The following SPAG16 variants were observed in gnomAD, a reference collection of about 807,000 sequenced individuals.
The protein encoded by SPAG16 is sperm-associated antigen 16 protein.
In SPAG16, 86 loss-of-function variants were observed where a neutral mutation model predicts 80.4. That is an observed-to-expected ratio of 1.07 (90% CI 0.90 to 1.28). SPAG16 has a LOEUF of 1.28. Ranked by LOEUF, SPAG16 falls within the 50% of genes most tolerant of loss-of-function variation. The pLI, the probability that SPAG16 is intolerant of heterozygous loss-of-function variation, is 0.00. For synonymous variants in SPAG16, 294 were observed against 265.9 expected, an observed-to-expected ratio of 1.11 and a Z score of -1.03; for missense variants, 870 against 765.3, an observed-to-expected ratio of 1.14 and a Z score of -1.61.
At chr2:213,626,467 A>G (rs554567934) in intron 10 of SPAG16, among the ~76,000 whole-genome samples, 14 of 152,252 alleles carry the variant, frequency 9.2e-5, no homozygotes, top group African/African-American at 3.4e-4. Context: ...AGATTCAGCA[A>G]TGAAAGTATA....
intron 1 of SPAG16, among the ~76,000 whole-genome samples, chr2:213,292,608 G>A (rs1271284000): frequency 6.9e-6 from 1 of 144,582 alleles, no homozygotes; most frequent in African/African-American, 2.6e-5. Context: ...AGCTTGCAGT[G>A]AGCCGAGATC....
intron 10 of SPAG16, among the ~76,000 whole-genome samples, chr2:213,575,987 A>G (rs187504370): frequency 9.0e-4 from 137 of 152,262 alleles, no homozygotes; most frequent in Non-Finnish European, 1.6e-3. Flanking sequence ...GCTCAAAGTT[A>G]AAAAAAGCAA....
intron 10 of SPAG16, among the ~76,000 whole-genome samples, chr2:213,584,816 ATAG>A (rs1191973012): frequency 1.3e-5 from 2 of 151,952 alleles, no homozygotes; most frequent in East Asian, 3.9e-4. Flanking sequence ...ATATATTGTA[ATAG>A]TAGTGAGTCC....
intron 10 of SPAG16, among the ~76,000 whole-genome samples, chr2:213,759,222 A>C (rs1432834608): frequency 6.6e-6 from 1 of 152,188 alleles, no homozygotes; most frequent in Non-Finnish European, 1.5e-5. Flanking sequence ...TTGTGTAAAG[A>C]AATAAAGATC....
chr2:214,326,761 C>T (rs62196834), intron 15 of SPAG16, among the ~76,000 whole-genome samples: 9 of 151,876 alleles, frequency 5.9e-5, no homozygotes, highest in South Asian at 2.1e-4. Context: ...CTGGCTAACA[C>T]GGTGAAACCC....
At chr2:213,707,212 T>C (rs2065794859) in intron 10 of SPAG16, among the ~76,000 whole-genome samples, 2 of 152,214 alleles carry the variant, frequency 1.3e-5, no homozygotes, top group South Asian at 4.1e-4. Context: ...TTCAAATTTT[T>C]AGACACTGCT....
At chr2:213,366,667 G>A (rs2066308284) in intron 8 of SPAG16, among the ~76,000 whole-genome samples, 1 of 152,022 alleles carries the variant, frequency 6.6e-6, no homozygotes, top group Non-Finnish European at 1.5e-5. Flanking sequence ...TTGACACATG[G>A]GGATTATGGG....
chr2:214,265,680 A>G (rs535691129), intron 15 of SPAG16, among the ~76,000 whole-genome samples: 1 of 152,068 alleles, frequency 6.6e-6, no homozygotes, highest in East Asian at 1.9e-4. Context: ...CACCAAACCA[A>G]TGGTCATGTA....
chr2:214,376,623 GCTT>G (rs1289343274), intron 15 of SPAG16, among the ~76,000 whole-genome samples: 1 of 152,102 alleles, frequency 6.6e-6, no homozygotes, highest in African/African-American at 2.4e-5. Flanking sequence ...ATTAAAAAGA[GCTT>G]ATTACAGTCA....
At chr2:214,318,903 A>G (rs556635391) in intron 15 of SPAG16, among the ~76,000 whole-genome samples, 1 of 152,282 alleles carries the variant, frequency 6.6e-6, no homozygotes, top group African/African-American at 2.4e-5. Flanking sequence ...GTGAGGATCT[A>G]GATAAGTTAT....
At chr2:214,164,357 G>C (rs1177371469) in intron 15 of SPAG16, among the ~76,000 whole-genome samples, 1 of 152,140 alleles carries the variant, frequency 6.6e-6, no homozygotes, top group East Asian at 1.9e-4. Flanking sequence ...AGGATGTTCT[G>C]AGATTACTTC....
At chr2:213,869,634 C>G (rs1424582551) in intron 11 of SPAG16, among the ~76,000 whole-genome samples, 2 of 129,534 alleles carry the variant, frequency 1.5e-5, no homozygotes, top group Non-Finnish European at 3.3e-5. Context: ...TAACAGCATA[C>G]TGCTTTGAGT....
intron 12 of SPAG16, among the ~76,000 whole-genome samples, chr2:214,012,141 A>G (rs2047310225): frequency 6.6e-6 from 1 of 150,754 alleles, no homozygotes; most frequent in African/African-American, 2.4e-5. Flanking sequence ...TTTGCCCACT[A>G]CACTATATTA....
intron 15 of SPAG16, among the ~76,000 whole-genome samples, chr2:214,344,913 T>G (rs185536075): frequency 6.6e-6 from 1 of 152,270 alleles, no homozygotes. Flanking sequence ...GACCAAGACC[T>G]CCCCTTGTAC....
intron 10 of SPAG16, among the ~76,000 whole-genome samples, chr2:213,618,137 C>T (rs1327031073): frequency 6.6e-6 from 1 of 152,170 alleles, no homozygotes. Context: ...TATCATATAA[C>T]TATAGTGTCC....
At chr2:214,135,647 A>C (rs1254092155) in intron 14 of SPAG16, among the ~76,000 whole-genome samples, 1 of 150,870 alleles carries the variant, frequency 6.6e-6, no homozygotes, top group African/African-American at 2.4e-5. Context: ...GTGAGTTTCT[A>C]CTCTTATTTC....
At chr2:213,610,196 A>G (rs1392407223) in intron 10 of SPAG16, among the ~76,000 whole-genome samples, 1 of 152,162 alleles carries the variant, frequency 6.6e-6, no homozygotes, top group Non-Finnish European at 1.5e-5. Context: ...ACTGCAAAAT[A>G]TACTTCTTTG....
intron 10 of SPAG16, among the ~76,000 whole-genome samples, chr2:213,856,459 G>GT (rs1186798696): frequency 6.6e-6 from 1 of 152,232 alleles, no homozygotes; most frequent in African/African-American, 2.4e-5. Flanking sequence ...CAATGCCCCA[G>GT]TTGGGACTGT....
intron 15 of SPAG16, among the ~76,000 whole-genome samples, chr2:214,379,852 C>T (rs1410766580): frequency 6.6e-6 from 1 of 152,194 alleles, no homozygotes; most frequent in Non-Finnish European, 1.5e-5. Flanking sequence ...GAGAATTCTT[C>T]CTCTTCATTA....
Sources: allele counts gnomAD v4.1 joint callset (sites outside exome capture counted in the v4.1 genomes callset), GRCh38; gene constraint gnomAD v4.1.1; transcripts MANE v1.5; gene names NCBI Gene and HGNC (gene_info 2026-07-23, HGNC 2026-07-21).